The following PRKCE variants were observed in gnomAD, a reference collection of about 807,000 sequenced individuals.
PRKCE encodes protein kinase C epsilon.
PRKCE carries 16 observed loss-of-function variants against 85.4 expected under a neutral mutation model. The ratio of observed to expected loss-of-function variants is 0.19; its 90% CI spans 0.13 to 0.28. PRKCE has a LOEUF of 0.28. Ranked by LOEUF, PRKCE falls within the 10% of genes least tolerant of loss-of-function variation. The probability of loss-of-function intolerance (pLI) is 1.00; values close to 1 mark genes in which losing one functional copy is unlikely to be tolerated. For synonymous variants in PRKCE, 388 were observed against 371.5 expected (o/e 1.04, Z -0.51); for missense variants, 573 against 975.2 (o/e 0.59, Z 5.49).
At chr2:45,827,606 G>A (rs192803637) in intron 1 of PRKCE, among the ~76,000 whole-genome samples, 8 of 152,298 alleles carry the variant, frequency 5.3e-5, no homozygotes, top group Admixed American at 5.2e-4. Context: ...TATATAATTT[G>A]TACTTCAAAA....
At chr2:45,866,521 A>G (rs538500879) in intron 2 of PRKCE, among the ~76,000 whole-genome samples, 2 of 151,986 alleles carry the variant, frequency 1.3e-5, no homozygotes, top group East Asian at 3.9e-4. Flanking sequence ...GTTAGCCAGG[A>G]TGGTCTTGAT....
chr2:45,914,151 T>C (rs1697581324), intron 2 of PRKCE, among the ~76,000 whole-genome samples: 1 of 152,234 alleles, frequency 6.6e-6, no homozygotes, highest in African/African-American at 2.4e-5. Flanking sequence ...CGTGGAAGCA[T>C]ACAATATCAT....
intron 1 of PRKCE, among the ~76,000 whole-genome samples, chr2:45,811,421 A>T (rs1688644052): frequency 1.3e-5 from 2 of 152,350 alleles, no homozygotes; most frequent in South Asian, 4.1e-4. Flanking sequence ...AGCTGGAAAA[A>T]AATTATGAAT....
chr2:45,936,976 C>T (rs1341593124), intron 2 of PRKCE, among the ~76,000 whole-genome samples: 1 of 152,134 alleles, frequency 6.6e-6, no homozygotes, highest in Non-Finnish European at 1.5e-5. Context: ...GGATCAGAAC[C>T]AGAGCCTGGT....
In PRKCE at chr2:45,810,669, C is replaced by T. The variant is rs186786745; in HGVS notation, c.349-32331C>T. Among the ~76,000 whole-genome samples the T allele has an allele frequency of 2.9e-3, 447 of 152,258 alleles. 4 individuals are homozygous for T. Among genetic ancestry groups the T allele is most frequent in the African/African-American group, 0.01 (426 of 41,562 alleles). On this transcript the variant is annotated intron_variant, in intron 1 of 14. Transcript: ENST00000306156. ...CAGAATCTCGGCTCATTGCAGCCTC[C>T]ACTTCCCAGGCTCAAGTGATCCTCC... is the stretch of plus-strand genomic sequence containing the variant.
At chr2:46,125,889 C>T (rs548074045) in intron 11 of PRKCE, among the ~76,000 whole-genome samples, 2 of 152,132 alleles carry the variant, frequency 1.3e-5, no homozygotes, top group African/African-American at 4.8e-5. Context: ...TCCAGTTGTA[C>T]GTGTCTTCGT....
intron 1 of PRKCE, among the ~76,000 whole-genome samples, chr2:45,789,860 C>T (rs866412474): frequency 4.2e-4 from 64 of 152,278 alleles, no homozygotes; most frequent in Middle Eastern, 3.4e-3. Flanking sequence ...GTATTAGTAT[C>T]TTTCTGAAGA....
At chr2:45,888,901 TTC>T (rs1417200915) in intron 2 of PRKCE, among the ~76,000 whole-genome samples, 1 of 151,190 alleles carries the variant, frequency 6.6e-6, no homozygotes, top group African/African-American at 2.5e-5. Flanking sequence ...TGCTCTGCCC[TTC>T]AAGGAGAATC....
At chr2:46,154,290 C>T (rs1042264228) in intron 13 of PRKCE, among the ~76,000 whole-genome samples, 3 of 152,100 alleles carry the variant, frequency 2.0e-5, no homozygotes, top group Non-Finnish European at 2.9e-5. Context: ...GAGGAGGCCT[C>T]GGGGGTACTA....
intron 2 of PRKCE, among the ~76,000 whole-genome samples, chr2:45,960,928 A>C (rs1041699787): frequency 5.9e-5 from 9 of 152,186 alleles, no homozygotes; most frequent in African/African-American, 2.2e-4. Context: ...TTGAACTTAT[A>C]ATGGCCCTCG....
At chr2:45,916,105 G>A (rs530052463) in intron 2 of PRKCE, among the ~76,000 whole-genome samples, 2 of 151,940 alleles carry the variant, frequency 1.3e-5, no homozygotes, top group African/African-American at 2.4e-5. Flanking sequence ...CATTGAGAAG[G>A]GTGTGGTGTC....
chr2:45,787,917 C>T (rs923284206), intron 1 of PRKCE, among the ~76,000 whole-genome samples: 6 of 152,202 alleles, frequency 3.9e-5, no homozygotes, highest in Non-Finnish European at 7.3e-5. Flanking sequence ...ATCCTGCCAG[C>T]CACAGAGGCT....
chr2:45,758,246 C>T (rs1271858879), intron 1 of PRKCE, among the ~76,000 whole-genome samples: 2 of 152,196 alleles, frequency 1.3e-5, no homozygotes, highest in African/African-American at 2.4e-5. Flanking sequence ...AATAGTAATA[C>T]ATACCTCATG....
chr2:45,704,442 TAA>T (rs376495823), intron 1 of PRKCE, among the ~76,000 whole-genome samples: 1 of 152,196 alleles, frequency 6.6e-6, no homozygotes, highest in African/African-American at 2.4e-5. Context: ...CTACTCCAGG[TAA>T]AGACTAGTTC....
At chr2:45,946,327 C>T (rs1700240765) in intron 2 of PRKCE, among the ~76,000 whole-genome samples, 1 of 152,224 alleles carries the variant, frequency 6.6e-6, no homozygotes, top group African/African-American at 2.4e-5. Flanking sequence ...TGGCTCTCTT[C>T]ACTTGAATCT....
rs372000022 is a variant in PRKCE at position 45,657,524 on chromosome 2, T to C, written c.348+5076T>C. Among the ~76,000 whole-genome samples the C allele has an allele frequency of 1.4e-4, 22 of 152,326 alleles. 1 individual carries two copies. In the East Asian group the frequency reaches 2.3e-3, roughly 16 times the overall value. On this transcript the variant is annotated intron_variant, in intron 1 of 14. Transcript: ENST00000306156. ...TGCATATCTACTATAATTATTATTA[T>C]TATAGCCCCCAAAATGAGCATGGGG...
chr2:45,870,078 T>A (rs1328819000), intron 2 of PRKCE, among the ~76,000 whole-genome samples: 2 of 152,146 alleles, frequency 1.3e-5, no homozygotes, highest in Non-Finnish European at 2.9e-5. Context: ...GCAGTGTCCT[T>A]CCCTGCAAGC....
At chr2:46,070,276 G>A (rs530681624) in intron 10 of PRKCE, among the ~76,000 whole-genome samples, 8 of 151,116 alleles carry the variant, frequency 5.3e-5, no homozygotes, top group African/African-American at 1.9e-4. Context: ...CAGAGCACAG[G>A]CTTCCTGTGT....
At chr2:45,822,263 G>A (rs1054649654) in intron 1 of PRKCE, among the ~76,000 whole-genome samples, 2 of 152,236 alleles carry the variant, frequency 1.3e-5, no homozygotes, top group African/African-American at 4.8e-5. Context: ...GTATTTTGTA[G>A]TTTAGGGAAG....
Sources: allele counts gnomAD v4.1 joint callset (sites outside exome capture counted in the v4.1 genomes callset), GRCh38; gene constraint gnomAD v4.1.1; transcripts MANE v1.5; gene names NCBI Gene and HGNC (gene_info 2026-07-23, HGNC 2026-07-21).